The following RNLS variants were observed in gnomAD, a reference collection of about 807,000 sequenced individuals.
RNLS encodes renalase, FAD dependent amine oxidase.
A neutral mutation model predicts 39.8 loss-of-function variants in RNLS; 39 were observed. The ratio of observed to expected loss-of-function variants is 0.98; its 90% confidence interval spans 0.76 to 1.28. The LOEUF (loss-of-function observed/expected upper bound fraction) is 1.28. RNLS is among the 50% of genes most tolerant of loss of function. RNLS has a pLI of 0.00. For missense variants in RNLS, 410 were observed against 413.3 expected (o/e 0.99, Z 0.07); for synonymous variants, 147 against 150.7 (o/e 0.98, Z 0.18).
At chr10:88,464,789 A>C (rs1843112172) in intron 4 of RNLS, among the ~76,000 whole-genome samples, 1 of 152,094 alleles carries the variant, frequency 6.6e-6, no homozygotes, top group African/African-American at 2.4e-5. Flanking sequence ...AAGGAAAATG[A>C]ACGTCAGTGA....
At chr10:88,421,986 T>C (rs1246132139) in intron 4 of RNLS, among the ~76,000 whole-genome samples, 2 of 152,210 alleles carry the variant, frequency 1.3e-5, no homozygotes, top group African/African-American at 4.8e-5. Flanking sequence ...ACATGTCTTG[T>C]CTTATCTGTA....
Position 88,314,229 on chromosome 10 carries a change from G to A in RNLS, c.876+237C>T, listed in dbSNP as rs2241515. On this transcript the variant is annotated intron_variant, in intron 6 of 6. Transcript: ENST00000331772. ...CGGAATATCAAGGTTTGTAAGTCTT[G>A]AGATGCTTGAATTTGAAGACAACAT... 0.14 allele frequency among the ~76,000 whole-genome samples: 21,342 copies of A among 152,176 alleles called. 1,660 individuals are homozygous for A. The highest frequency in any genetic ancestry group is 0.33 in the East Asian group (1,713 of 5,158).
the RNLS span, among the ~76,000 whole-genome samples, chr10:88,263,087 G>C: frequency 1.3e-5 from 2 of 151,908 alleles, no homozygotes; most frequent in Non-Finnish European, 2.9e-5. Flanking sequence ...GGCAATATGT[G>C]GTCTAGCACA....
chr10:88,252,060 G>A, the RNLS span, among the ~76,000 whole-genome samples: 1 of 152,166 alleles, frequency 6.6e-6, no homozygotes. Flanking sequence ...AGATAAAGTT[G>A]CTGGTCCACA....
intron 4 of RNLS, among the ~76,000 whole-genome samples, chr10:88,572,186 G>C (rs1849876690): frequency 6.6e-6 from 1 of 152,036 alleles, no homozygotes; most frequent in Admixed American, 6.6e-5. Context: ...TTCTAAATTG[G>C]CTATTTGTAG....
chr10:88,556,207 C>T (rs548502461), intron 4 of RNLS, among the ~76,000 whole-genome samples: 41 of 152,258 alleles, frequency 2.7e-4, no homozygotes, highest in African/African-American at 7.9e-4. Flanking sequence ...AAACCACTGT[C>T]ACAGTCCATA....
chr10:88,381,523 T>A (rs1321767645), intron 4 of RNLS, among the ~76,000 whole-genome samples: 2 of 151,838 alleles, frequency 1.3e-5, no homozygotes, highest in Non-Finnish European at 1.5e-5. Context: ...TTTTGTTTTT[T>A]ATATTCAGCT....
intron 4 of RNLS, among the ~76,000 whole-genome samples, chr10:88,556,839 C>T (rs1487241336): frequency 6.6e-6 from 1 of 152,116 alleles, no homozygotes; most frequent in Admixed American, 6.6e-5. Context: ...TTCTATTTCT[C>T]CTATCTTGTT....
At chr10:88,207,987 G>A in the RNLS span, among the ~76,000 whole-genome samples, 5 of 152,130 alleles carry the variant, frequency 3.3e-5, no homozygotes, top group East Asian at 3.9e-4. Context: ...GAGGGTCATC[G>A]TCTCTTCTCA....
intron 4 of RNLS, among the ~76,000 whole-genome samples, chr10:88,563,985 T>C (rs1174374919): frequency 6.6e-6 from 1 of 152,182 alleles, no homozygotes; most frequent in African/African-American, 2.4e-5. Context: ...AATTCCATGT[T>C]CTCCTAAATT....
chr10:88,421,725 A>G (rs916461718), intron 4 of RNLS, among the ~76,000 whole-genome samples: 1 of 152,146 alleles, frequency 6.6e-6, no homozygotes, highest in African/African-American at 2.4e-5. Flanking sequence ...AGGAAATACC[A>G]ATTTTATATC....
At chr10:88,236,375 A>T in the RNLS span, among the ~76,000 whole-genome samples, 2 of 152,246 alleles carry the variant, frequency 1.3e-5, no homozygotes, top group South Asian at 2.1e-4. Flanking sequence ...TTTAGAAAAA[A>T]GGTCACAGGG....
chr10:88,256,402 A>T, the RNLS span, among the ~76,000 whole-genome samples: 1 of 152,198 alleles, frequency 6.6e-6, no homozygotes, highest in African/African-American at 2.4e-5. Flanking sequence ...TTAAAATCAC[A>T]TTTAGTCGGA....
intron 4 of RNLS, among the ~76,000 whole-genome samples, chr10:88,387,388 T>C (rs530136146): frequency 1.5e-4 from 23 of 152,004 alleles, no homozygotes; most frequent in East Asian, 3.9e-4. Context: ...AGAGCTCTGA[T>C]TGGCTGGTGA....
At chr10:88,526,643 T>C (rs1457960366) in intron 4 of RNLS, among the ~76,000 whole-genome samples, 1 of 151,858 alleles carries the variant, frequency 6.6e-6, no homozygotes, top group African/African-American at 2.4e-5. Flanking sequence ...TTCATGCCTG[T>C]AGTCCTAGCT....
chr10:88,576,621 G>C (rs986527171), intron 3 of RNLS, among the ~76,000 whole-genome samples: 2 of 152,086 alleles, frequency 1.3e-5, no homozygotes, highest in Admixed American at 6.5e-5. Flanking sequence ...TCTCTAAAAA[G>C]GACATCGTTA....
intron 4 of RNLS, among the ~76,000 whole-genome samples, chr10:88,495,310 A>G (rs1845103107): frequency 6.6e-6 from 1 of 152,172 alleles, no homozygotes; most frequent in Non-Finnish European, 1.5e-5. Context: ...GACTTGAGAA[A>G]AATAGTCAAT....
the RNLS span, among the ~76,000 whole-genome samples, chr10:88,187,656 T>C: frequency 6.6e-6 from 1 of 152,158 alleles, no homozygotes; most frequent in South Asian, 2.1e-4. Context: ...CTGGTGGGAT[T>C]GAGAAATAAG....
chr10:88,265,170 G>A, the RNLS span, among the ~76,000 whole-genome samples: 2 of 151,874 alleles, frequency 1.3e-5, no homozygotes, highest in African/African-American at 2.4e-5. Flanking sequence ...TTCTGGGTTC[G>A]CTTTTCTGTT....
Sources: gnomAD v4.1 joint callset for allele counts (sites outside exome capture counted in the v4.1 genomes callset) on GRCh38, gnomAD v4.1.1 for gene constraint, MANE v1.5 for transcripts, NCBI Gene and HGNC (gene_info 2026-07-23, HGNC 2026-07-21) for gene names.